ANKRD17: variants seen among roughly 807,000 people sequenced by gnomAD.
The protein encoded by ANKRD17 is ankyrin repeat domain 17.
Under a neutral mutation model 229.7 loss-of-function variants are expected in ANKRD17, and 19 were observed. The observed-to-expected ratio is 0.08, with a 90% CI of 0.06 to 0.12. The LOEUF is 0.12. Among genes scored for constraint, ANKRD17 ranks in the 10% least tolerant of loss-of-function variants. The pLI, the probability that ANKRD17 is intolerant of heterozygous loss-of-function variation, is 1.00. For missense variants in ANKRD17, 2,176 were observed against 3,176.8 expected (o/e 0.68, Z 7.57); for synonymous variants, 1,112 against 1,146.1 (o/e 0.97, Z 0.60).
chr4:73,222,038 G>C (rs1285213862), intron 1 of ANKRD17, among the ~76,000 whole-genome samples: 2 of 152,082 alleles, frequency 1.3e-5, no homozygotes, highest in African/African-American at 4.8e-5. Flanking sequence ...TCTTCCTGAA[G>C]ATGTGAAATA....
At chr4:73,125,456 C>G in intron 16 of ANKRD17, 144 bp from the exon 17 acceptor site, 1 of 669,498 alleles carries the variant, frequency 1.5e-6, no homozygotes, top group Non-Finnish European at 2.5e-6. Flanking sequence ...GGTTTATGGA[C>G]GGGCGTGGTG....
At chr4:73,104,649 G>T (rs1277243076) in intron 24 of ANKRD17, among the ~76,000 whole-genome samples, 1 of 151,960 alleles carries the variant, frequency 6.6e-6, no homozygotes, top group Non-Finnish European at 1.5e-5. Context: ...AACAGCAAAT[G>T]AAGTTTTAGA....
rs146945000 is a variant in ANKRD17 at position 73,178,978 on chromosome 4, T to C, written c.394-1445A>G. Among the ~76,000 whole-genome samples the C allele has an allele frequency of 1.9e-3, 284 of 152,184 alleles. 1 individual carries two copies. Among genetic ancestry groups the C allele is most frequent in the African/African-American group, 6.5e-3 (272 of 41,532 alleles). On this transcript the variant is annotated intron_variant, in intron 1 of 33. Transcript: ENST00000358602. ...CCAAAATAGATGTAAAAATAACTAA[T>C]AAGCTAGAATACAATCACGCTCATG... is the stretch of plus-strand genomic sequence containing the variant.
chr4:73,206,754 A>G (rs1739515334), intron 1 of ANKRD17, among the ~76,000 whole-genome samples: 1 of 152,202 alleles, frequency 6.6e-6, no homozygotes, highest in Admixed American at 6.5e-5. Context: ...GAAGTTCAAG[A>G]GATCTATTTA....
Position 73,098,511 on chromosome 4 carries a change from T to C in ANKRD17, c.4583A>G (p.Glu1528Gly). ...KEKLKVEDEPEVLTEPPSATT... is the reference protein window; with the variant it reads ...KEKLKVEDEPGVLTEPPSATT... ...GGCACTTGGAGGTTCTGTCAAGACTTCAGGCTCATCTGTAAAAGTAGCAAT... is the reference window on the plus strand; with the variant it reads ...GGCACTTGGAGGTTCTGTCAAGACTCCAGGCTCATCTGTAAAAGTAGCAAT... The change falls in exon 26 of 34, where the codon GAA (glutamate) becomes GGA (glycine). Residue 1528 changes from glutamate to glycine, a missense_variant. Around this residue, in one of 18 missense-constraint regions of ANKRD17, gnomAD observed 105 missense variants for 118.3 expected, o/e 0.89. Transcript: ENST00000358602. The C allele has an allele frequency of 1.9e-6, 3 of 1,609,888 alleles. No homozygotes were observed. In the South Asian group the frequency reaches 3.3e-5, roughly 18 times the overall value.
intron 1 of ANKRD17, among the ~76,000 whole-genome samples, chr4:73,179,077 C>T (rs1011081691): frequency 1.3e-5 from 2 of 151,914 alleles, no homozygotes; most frequent in African/African-American, 2.4e-5. Flanking sequence ...ACCTCAGAAA[C>T]GATACTGTTC....
In ANKRD17 at chr4:73,212,789, G is replaced by A. The variant is rs555294364; in HGVS notation, c.394-35256C>T. 6.6e-5 allele frequency among the ~76,000 whole-genome samples: 10 copies of A among 152,018 alleles called. No individual in the cohort carries two copies. In the East Asian group the frequency reaches 7.7e-4, roughly 12 times the overall value. On this transcript the variant is annotated intron_variant, in intron 1 of 33. Transcript: ENST00000358602. ...CCGGCACTTTGGGAGGCCAAGGCAC[G>A]GGGATCACCTAAGATCAGGAGTTCG...
At chr4:73,113,122 T>TCCATAATATTCAATG (rs1157872942) in intron 24 of ANKRD17, 9 of 1,218,282 alleles carry the variant, frequency 7.4e-6, no homozygotes, top group Non-Finnish European at 9.4e-6. Flanking sequence ...ATATGGCAGT[T>TCCATAATATTCAATG]CCATAATATT....
At chr4:73,129,951 G>A (rs1727981462) in intron 16 of ANKRD17, among the ~76,000 whole-genome samples, 1 of 151,608 alleles carries the variant, frequency 6.6e-6, no homozygotes, top group South Asian at 2.1e-4. Flanking sequence ...ATTTTTAGTA[G>A]AGACAAGGTT....
chr4:73,086,437 C>T (rs1211535679), intron 29 of ANKRD17, among the ~76,000 whole-genome samples: 1 of 151,444 alleles, frequency 6.6e-6, no homozygotes, highest in African/African-American at 2.4e-5. Flanking sequence ...TCTTCTTTTT[C>T]TCTCTTACAG....
chr4:73,152,657 A>G (rs953419475), intron 6 of ANKRD17, among the ~76,000 whole-genome samples: 2 of 152,146 alleles, frequency 1.3e-5, no homozygotes, highest in African/African-American at 4.8e-5. Context: ...AGTTACAAGC[A>G]GCCCCATCTC....
chr4:73,258,734 G>T lies in ANKRD17; in HGVS notation c.-66C>A. ...GGGGCTACGCTCTACCGCGACTTCG[G>T]CCGCACTGGGGCCGACACAGCAATC... On this transcript the variant is annotated 5_prime_UTR_variant, in exon 1 of 34. Transcript: ENST00000358602. 7.3e-7 allele frequency: 1 copy of T among 1,377,954 alleles called. No homozygotes were observed. Among genetic ancestry groups the T allele is most frequent in the Non-Finnish European group, 9.3e-7 (1 of 1,075,102 alleles). 85.4% of individuals were successfully genotyped at this position (1,377,954 alleles called of 1,614,324 possible).
At chr4:73,089,000 GAAATT>G (rs1722493483) in intron 29 of ANKRD17, among the ~76,000 whole-genome samples, 2 of 151,838 alleles carry the variant, frequency 1.3e-5, no homozygotes, top group African/African-American at 4.8e-5. Context: ...TACAAACACT[GAAATT>G]AAAATTTCAT....
In ANKRD17 at chr4:73,232,655, G is replaced by A. The variant is rs368853367; in HGVS notation, c.393+25621C>T. Reference sequence around the variant, plus strand: ...ACAATTTCCGAAAATCACTTGGCCCGAGAACATATTTACTTCATAAAGAGC... The same window carrying A: ...ACAATTTCCGAAAATCACTTGGCCCAAGAACATATTTACTTCATAAAGAGC... On this transcript the variant is annotated intron_variant, in intron 1 of 33. Transcript: ENST00000358602. 3.3e-5 allele frequency among the ~76,000 whole-genome samples: 5 copies of A among 152,172 alleles called. No homozygotes were observed. The East Asian group carries it at 5.8e-4, about 18-fold the overall frequency.
chr4:73,105,409 G>A (rs1004761253), intron 24 of ANKRD17, among the ~76,000 whole-genome samples: 2 of 151,508 alleles, frequency 1.3e-5, no homozygotes, highest in African/African-American at 4.8e-5. Context: ...GTATATGTGT[G>A]TGTGACAGAA....
intron 15 of ANKRD17, among the ~76,000 whole-genome samples, chr4:73,137,711 G>T (rs1678099443): frequency 2.0e-5 from 3 of 151,992 alleles, no homozygotes; most frequent in African/African-American, 7.2e-5. Flanking sequence ...TCTCCCCATA[G>T]AAATGAGCAT....
intron 3 of ANKRD17, among the ~76,000 whole-genome samples, chr4:73,158,399 C>T (rs1560618568): frequency 6.6e-6 from 1 of 152,176 alleles, no homozygotes; most frequent in African/African-American, 2.4e-5. Flanking sequence ...GGTCTTCTTG[C>T]TGTTCATCAA....
chr4:73,248,726 C>A (rs1397716506), intron 1 of ANKRD17, among the ~76,000 whole-genome samples: 5 of 151,788 alleles, frequency 3.3e-5, no homozygotes, highest in South Asian at 2.1e-4. Context: ...TTAACTTATT[C>A]ATATTTAACA....
In ANKRD17 at chr4:73,155,739, T is replaced by G; in HGVS notation, c.892A>C (p.Ile298Leu). 3 of 1,614,152 alleles carry G rather than the reference T, an allele frequency of 1.9e-6. No individual in the cohort carries two copies. Among genetic ancestry groups the G allele is most frequent in the Non-Finnish European group, 2.5e-6 (3 of 1,180,016 alleles). ...AMHANVEDRG[I>L]KGDITPLMAA... ...ATTAAAGGTGTAATGTCACCTTTGATTCCCCTATCTTCCACATTTGCATGC... is the reference window on the plus strand; with the variant it reads ...ATTAAAGGTGTAATGTCACCTTTGAGTCCCCTATCTTCCACATTTGCATGC... Residue 298 changes from isoleucine to leucine, a missense_variant, in exon 5 of 34, where the codon ATC (isoleucine) becomes CTC (leucine). Ile to Leu is a conservative substitution (Grantham distance 5, BLOSUM62 2). This residue lies in a region of ANKRD17 where 184 missense variants were observed against 357.8 expected (regional missense o/e 0.51). Coordinates refer to ENST00000358602, the MANE Select transcript of ANKRD17 (RefSeq NM_032217.5).
Sources: gnomAD v4.1 joint callset for allele counts (sites outside exome capture counted in the v4.1 genomes callset) on GRCh38, gnomAD v4.1.1 for gene constraint, gnomAD v4.1.1 regional missense constraint, MANE v1.5 for transcripts, NCBI Gene and HGNC (gene_info 2026-07-23, HGNC 2026-07-21) for gene names.